CYP2C19: variants seen among roughly 807,000 people sequenced by gnomAD.
The protein encoded by CYP2C19 is cytochrome P450 family 2 subfamily C member 19.
Under a neutral mutation model 40.9 loss-of-function variants are expected in CYP2C19, and 59 were observed. That is an observed-to-expected ratio of 1.44 (90% CI 1.17 to 1.79). The LOEUF is 1.79. Among genes scored for constraint, CYP2C19 ranks in the 40% most tolerant of loss-of-function variants. The pLI, the probability that CYP2C19 is intolerant of heterozygous loss-of-function variation, is 0.00. For missense variants in CYP2C19, 754 were observed against 596.9 expected (o/e 1.26, Z -2.74); for synonymous variants, 253 against 208.7 (o/e 1.21, Z -1.83).
At chr10:94,833,926 A>G (rs1206883931) in intron 6 of CYP2C19, among the ~76,000 whole-genome samples, 1 of 152,140 alleles carries the variant, frequency 6.6e-6, no homozygotes, top group African/African-American at 2.4e-5. Flanking sequence ...GGATTGTTGC[A>G]TCAGTATTCA....
intron 4 of CYP2C19, 124 bp from the exon 5 acceptor site, chr10:94,781,697 C>A: frequency 2.5e-6 from 1 of 395,006 alleles, no homozygotes; most frequent in Non-Finnish European, 4.2e-6. Flanking sequence ...TAAAAATTTC[C>A]CCATCAAGAT....
intron 1 of CYP2C19, chr10:94,774,525 TTTGG>T (rs1848379287): frequency 6.2e-6 from 1 of 160,366 alleles, no homozygotes; most frequent in East Asian, 1.8e-4. Flanking sequence ...TACATGGGCT[TTTGG>T]GAGTTCTAGG....
Position 94,842,956 on chromosome 10 carries a change from C to T in CYP2C19, c.1081C>T (p.Leu361Phe). 3 of 1,614,210 alleles carry T rather than the reference C, an allele frequency of 1.9e-6. No individual in the cohort carries two copies. The highest frequency in any genetic ancestry group is 2.7e-5 in the African/African-American group (2 of 75,054). The change falls in exon 7 of 9, where the codon CTC becomes TTC. Residue 361 changes from leucine (L) to phenylalanine (F), a missense_variant. By Grantham distance (22) the Leu-to-Phe change is conservative. Transcript: ENST00000371321. Reference protein sequence around the residue: ...VVHEVQRYIDLIPTSLPHAVT... With the variant: ...VVHEVQRYIDFIPTSLPHAVT... The stretch of plus-strand genomic sequence containing the variant: ...GCACGAGGTCCAGAGATACATCGAC[C>T]TCATCCCCACCAGCCTGCCCCATGC...
intron 5 of CYP2C19, among the ~76,000 whole-genome samples, chr10:94,785,131 T>G (rs1012724782): frequency 6.6e-6 from 1 of 152,108 alleles, no homozygotes; most frequent in African/African-American, 2.4e-5. Flanking sequence ...CATTTCACAT[T>G]CCTAATTATA....
At chr10:94,803,088 C>T (rs1848788036) in intron 5 of CYP2C19, among the ~76,000 whole-genome samples, 1 of 152,146 alleles carries the variant, frequency 6.6e-6, no homozygotes. Flanking sequence ...GGGTTCATTG[C>T]TGGGGAGTTA....
chr10:94,827,217 G>GA (rs1849241562), intron 6 of CYP2C19, among the ~76,000 whole-genome samples: 1 of 151,898 alleles, frequency 6.6e-6, no homozygotes, highest in Non-Finnish European at 1.5e-5. Flanking sequence ...CTATTGATTG[G>GA]AATAGTTTTA....
chr10:94,829,125 A>T (rs59404658), intron 6 of CYP2C19, among the ~76,000 whole-genome samples: 1,848 of 152,014 alleles, frequency 0.012, 53 homozygotes, highest in African/African-American at 0.043. Flanking sequence ...CTTTGGTGAA[A>T]CTGACAATTA....
intron 1 of CYP2C19, among the ~76,000 whole-genome samples, chr10:94,771,248 C>A (rs1848326402): frequency 6.6e-6 from 1 of 151,896 alleles, no homozygotes; most frequent in Non-Finnish European, 1.5e-5. Context: ...TTGGAGATTT[C>A]TTTGCTTATT....
At position 94,853,010 on chromosome 10, in the gene CYP2C19, C is replaced by T; in HGVS notation, c.*96C>T. 1.5e-6 allele frequency: 2 copies of T among 1,339,500 alleles called. No homozygotes were observed. The highest frequency in any genetic ancestry group is 1.5e-5 in the African/African-American group (1 of 68,754). 83.0% of individuals were successfully genotyped at this position (1,339,500 alleles called of 1,614,324 possible). On this transcript the variant is annotated 3_prime_UTR_variant, in exon 9 of 9. Transcript: ENST00000371321. Reference sequence around the variant, plus strand: ...ATCTGTGATGCTTCTTCTGACCCGTCATCTCACATTTTCCCTTCCCCCAAG... The same window carrying T: ...ATCTGTGATGCTTCTTCTGACCCGTTATCTCACATTTTCCCTTCCCCCAAG...
chr10:94,846,995 T>C (rs1849581691), intron 7 of CYP2C19, among the ~76,000 whole-genome samples: 1 of 152,178 alleles, frequency 6.6e-6, no homozygotes, highest in African/African-American at 2.4e-5. Flanking sequence ...ATCATATGTT[T>C]ATTCACAAAT....
intron 1 of CYP2C19, among the ~76,000 whole-genome samples, chr10:94,767,504 C>T (rs1378703401): frequency 1.3e-5 from 2 of 152,102 alleles, no homozygotes; most frequent in Non-Finnish European, 2.9e-5. Flanking sequence ...TATTGAAATC[C>T]CTTTGACTTA....
At chr10:94,836,432 G>C (rs997406212) in intron 6 of CYP2C19, among the ~76,000 whole-genome samples, 99 of 152,266 alleles carry the variant, frequency 6.5e-4, no homozygotes, top group African/African-American at 2.3e-3. Context: ...GTCTTGCCCT[G>C]TTGGCAAGCT....
Position 94,824,146 on chromosome 10 carries a change from G to A in CYP2C19, c.961+3509G>A, listed in dbSNP as rs145239698. Among the ~76,000 whole-genome samples, 474 of 152,288 alleles carry A rather than the reference G, an allele frequency of 3.1e-3. 2 individuals are homozygous for A. The highest frequency in any genetic ancestry group is 0.011 in the African/African-American group (451 of 41,580). On this transcript the variant is annotated intron_variant, in intron 6 of 8. Transcript: ENST00000371321. ...GTGCTAAAAATAAAATATAATCATA[G>A]CTGTCTTACCAGAGAACCATATTTA... is the stretch of plus-strand genomic sequence containing the variant.
rs190126184 is a variant in CYP2C19, at chr10:94,827,675, T to G, written c.961+7038T>G. Among the ~76,000 whole-genome samples the G allele has an allele frequency of 2.2e-4, 34 of 152,254 alleles. No individual in the cohort carries two copies. The East Asian group carries it at 3.5e-3, about 16-fold the overall frequency. ...TGTGTCTCTTTCCTTCAGTTCTGCT[T>G]TGATTTTAGTTATTTGTTGCCTTCT... On this transcript the variant is annotated intron_variant, in intron 6 of 8. Transcript: ENST00000371321.
chr10:94,841,003 A>C (rs1849486517), intron 6 of CYP2C19, among the ~76,000 whole-genome samples: 1 of 152,300 alleles, frequency 6.6e-6, no homozygotes, highest in Middle Eastern at 3.4e-3. Context: ...GTTGTCACCA[A>C]AATGTTACCA....
At chr10:94,824,727 A>C (rs557986522) in intron 6 of CYP2C19, among the ~76,000 whole-genome samples, 1 of 151,952 alleles carries the variant, frequency 6.6e-6, no homozygotes, top group African/African-American at 2.4e-5. Flanking sequence ...ACATATGTAC[A>C]CATGTGCCAT....
In CYP2C19 at chr10:94,775,375, T is replaced by C; in HGVS notation, c.332-15T>C. On this transcript the variant is annotated splice_polypyrimidine_tract_variant and intron_variant, in intron 2 of 8. Transcript: ENST00000371321. ...CCTGGGATCTCCCTCCTAGTTTCGT[T>C]TCTCTTCCTGTTAGGAATCGTTTTC... 6.2e-7 allele frequency: 1 copy of C among 1,613,650 alleles called. No individual in the cohort carries two copies. Among genetic ancestry groups the C allele is most frequent in the South Asian group, 1.1e-5 (1 of 91,058 alleles).
intron 3 of CYP2C19, among the ~76,000 whole-genome samples, chr10:94,777,879 T>G (rs558694798): frequency 3.8e-4 from 58 of 152,172 alleles, no homozygotes; most frequent in Middle Eastern, 6.8e-3. Context: ...GGAAGAAAAT[T>G]TTTGCAATCT....
In CYP2C19 at chr10:94,820,566, C is replaced by G; in HGVS notation, c.890C>G (p.Ala297Gly). 2 of 1,614,156 alleles carry G rather than the reference C, an allele frequency of 1.2e-6. No homozygotes were observed. The highest frequency in any genetic ancestry group is 1.7e-6 in the Non-Finnish European group (2 of 1,180,026). The change falls in exon 6 of 9, where the codon GCT becomes GGT. Residue 297 changes from alanine to glycine, a missense_variant. Physicochemically the swap from Ala to Gly is moderately conservative, Grantham distance 60. Coordinates refer to ENST00000371321, the MANE Select transcript of CYP2C19 (RefSeq NM_000769.4). ...LVITAADLLG[A>G]GTETTSTTLR... ...ATCACTGCAGCTGACTTACTTGGAG[C>G]TGGGACAGAGACAACAAGCACAACC... is the stretch of plus-strand genomic sequence containing the variant.
Sources: allele counts gnomAD v4.1 joint callset (sites outside exome capture counted in the v4.1 genomes callset), GRCh38; gene constraint gnomAD v4.1.1; transcripts MANE v1.5; gene names NCBI Gene and HGNC (gene_info 2026-07-23, HGNC 2026-07-21).